The following TMEM67 variants were observed in gnomAD, a reference collection of about 807,000 sequenced individuals.
TMEM67 encodes the protein transmembrane protein 67.
In TMEM67, 124 loss-of-function variants were observed where a neutral mutation model predicts 136.6. The ratio of observed to expected loss-of-function variants is 0.91; its 90% confidence interval spans 0.78 to 1.05. The LOEUF is 1.05. Among genes scored for constraint, TMEM67 ranks in the 50% least tolerant of loss-of-function variants. The pLI, the probability that TMEM67 is intolerant of heterozygous loss-of-function variation, is 0.00. For missense variants in TMEM67, 1,107 were observed against 1,178.4 expected, an observed-to-expected ratio of 0.94 and a Z score of 0.89; for synonymous variants, 364 against 390.5, an observed-to-expected ratio of 0.93 and a Z score of 0.80.
intron 23 of TMEM67, 89 bp downstream of exon 23, chr8:93,804,967 C>G (rs1815072418): frequency 1.2e-6 from 1 of 851,276 alleles, no homozygotes; most frequent in African/African-American, 1.7e-5. Flanking sequence ...AAACAGTCTT[C>G]ATTGATAACT....
chr8:93,797,050 T>C, intron 18 of TMEM67, 84 bp from the exon 19 acceptor site: 1 of 805,456 alleles, frequency 1.2e-6, no homozygotes, highest in Non-Finnish European at 2.2e-6. Flanking sequence ...GATAACAGTA[T>C]GTTTCTTAAA....
At chr8:93,829,970 G>A in the TMEM67 span, among the ~76,000 whole-genome samples, 1 of 151,984 alleles carries the variant, frequency 6.6e-6, no homozygotes, top group Non-Finnish European at 1.5e-5. Flanking sequence ...GAGCTACCTT[G>A]TCTGATTGTA....
intron 6 of TMEM67, among the ~76,000 whole-genome samples, chr8:93,766,534 A>C (rs1438868847): frequency 6.6e-6 from 1 of 152,212 alleles, no homozygotes; most frequent in Non-Finnish European, 1.5e-5. Flanking sequence ...ATGAATTGGA[A>C]CTAAAGAGGT....
chr8:93,808,846 T>G lies in TMEM67; in HGVS notation c.2446T>G (p.Leu816Val). The G allele has an allele frequency of 6.2e-7, 1 of 1,604,852 alleles. No individual in the cohort carries two copies. The highest frequency in any genetic ancestry group is 8.5e-7 in the Non-Finnish European group (1 of 1,172,148). The change falls in exon 24 of 28, where the codon TTG becomes GTG. Residue 816 changes from leucine (L) to valine (V), a missense_variant. Coordinates refer to ENST00000453321, the MANE Select transcript of TMEM67 (RefSeq NM_153704.6). ...AAATTCTTTAACTTTTCAGGAAAAT[T>G]TGTGTAGCCAGAGAGGTTTGGTACC... is the stretch of plus-strand genomic sequence containing the variant. Reference protein sequence around the residue: ...NMNLKREAENLCSQRGLVPNT... With the variant: ...NMNLKREAENVCSQRGLVPNT...
chr8:93,759,393 G>A lies in TMEM67; in HGVS notation c.406+817G>A, dbSNP rs1012018501. On this transcript the variant is annotated intron_variant, in intron 3 of 27. Coordinates refer to ENST00000453321, the MANE Select transcript of TMEM67 (RefSeq NM_153704.6). ...TGGGAAGATCGCTTGAGCCTGGAAG[G>A]TCAAGGCTACAGTGAGCTGAGATGG... The A allele has an allele frequency of 4.0e-5, 6 of 150,144 alleles. No individual in the cohort carries two copies. In the East Asian group the frequency reaches 9.9e-4, roughly 25 times the overall value. 9.3% of individuals were successfully genotyped at this position (150,144 alleles called of 1,614,324 possible).
In TMEM67 at chr8:93,786,366, T is replaced by C; in HGVS notation, c.1412+20T>C. 6.2e-7 allele frequency: 1 copy of C among 1,612,088 alleles called. No homozygotes were observed. Among genetic ancestry groups the C allele is most frequent in the Non-Finnish European group, 8.5e-7 (1 of 1,178,604 alleles). On this transcript the variant is annotated intron_variant, in intron 13 of 27. Coordinates refer to ENST00000453321, the MANE Select transcript of TMEM67 (RefSeq NM_153704.6). The stretch of plus-strand genomic sequence containing the variant: ...ACTGAGGTAAACAAATGTCTAATGA[T>C]ATTATTTATGGGAAAATATCATAAT...
In TMEM67 at chr8:93,804,778, T is replaced by C. The variant is rs1440302004; in HGVS notation, c.2339T>C (p.Leu780Ser). 6.3e-7 allele frequency: 1 copy of C among 1,596,206 alleles called. No individual in the cohort carries two copies. Among genetic ancestry groups the C allele is most frequent in the Admixed American group, 1.7e-5 (1 of 59,930 alleles). Residue 780 changes from leucine to serine, a missense_variant, in exon 23 of 28, where the codon TTA (leucine) becomes TCA (serine). Physicochemically the swap from Leu to Ser is moderately radical, Grantham distance 145. Transcript: ENST00000453321. The stretch of plus-strand genomic sequence containing the variant: ...TTTTTATAGATATCAGTGTTTCTGT[T>C]ATCCCACAAATGTTTTGGATATTAC... ...CSMSNISVFL[L>S]SHKCFGYYIH...
intron 3 of TMEM67, among the ~76,000 whole-genome samples, 155 bp from the exon 4 acceptor site, chr8:93,763,687 A>G (rs1202343098): frequency 1.3e-5 from 2 of 152,156 alleles, no homozygotes; most frequent in African/African-American, 4.8e-5. Context: ...ACACTTTATT[A>G]TGGAGATACT....
At chr8:93,782,307 G>A in intron 10 of TMEM67, 88 bp from the exon 11 acceptor site, 2 of 909,108 alleles carry the variant, frequency 2.2e-6, no homozygotes, top group Non-Finnish European at 3.6e-6. Flanking sequence ...ATTATGTAGA[G>A]CATATATCCA....
In TMEM67 at chr8:93,799,550, G is replaced by C. The variant is rs1411461859; in HGVS notation, c.2101-68G>C. On this transcript the variant is annotated intron_variant, in intron 20 of 27. Transcript: ENST00000453321. ...CAAGGTGAGTAGGGAGAGGTTTTCT[G>C]TTTTCAGTCTAGAGTAGTTTTCTTT... 4.6e-6 allele frequency: 7 copies of C among 1,532,072 alleles called. No individual in the cohort carries two copies. The East Asian group carries it at 1.4e-4, about 30-fold the overall frequency. 94.9% of individuals were successfully genotyped at this position (1,532,072 alleles called of 1,614,324 possible). A position where few individuals can be genotyped will look rare whatever the true frequency, so the allele number is the denominator to read the frequency against.
At chr8:93,774,517 C>T (rs1429867936) in intron 7 of TMEM67, among the ~76,000 whole-genome samples, 5 of 152,106 alleles carry the variant, frequency 3.3e-5, no homozygotes, top group Non-Finnish European at 7.4e-5. Context: ...GCCCAGTCCC[C>T]CACCCAAAGA....
At chr8:93,759,986 A>G (rs1187572866) in intron 3 of TMEM67, 1 of 1,523,698 alleles carries the variant, frequency 6.6e-7, no homozygotes. Flanking sequence ...ACATAATTGA[A>G]GAAATTTGTG....
In TMEM67 at chr8:93,787,959, T is replaced by A; in HGVS notation, c.1518+10T>A. ...CAGCCAGTCTGTGAAGGTGAGTTCC[T>A]GACTTATTAGTGCCCTTGTATGTAT... is the stretch of plus-strand genomic sequence containing the variant. On this transcript the variant is annotated intron_variant, in intron 14 of 27. Transcript: ENST00000453321. 6.3e-7 allele frequency: 1 copy of A among 1,591,950 alleles called. No homozygotes were observed. Among genetic ancestry groups the A allele is most frequent in the South Asian group, 1.1e-5 (1 of 90,628 alleles).
At position 93,758,464 on chromosome 8, in the gene TMEM67, T is replaced by C. The variant is rs748779738; in HGVS notation, c.313-19T>C. 66 of 1,592,252 alleles carry C rather than the reference T, an allele frequency of 4.1e-5. No individual in the cohort carries two copies. Among genetic ancestry groups the C allele is most frequent in the Non-Finnish European group, 5.3e-5 (62 of 1,161,206 alleles). ...AGTTAATTAAAAAAGAGAAAAGCAT[T>C]TTTTTTCTTTTAATTTAGAAAGGTG... On this transcript the variant is annotated intron_variant, in intron 2 of 27. Coordinates refer to ENST00000453321, the MANE Select transcript of TMEM67 (RefSeq NM_153704.6).
intron 7 of TMEM67, 27 bp downstream of exon 7, chr8:93,772,678 T>G (rs994438673): frequency 3.8e-6 from 6 of 1,563,228 alleles, no homozygotes; most frequent in Non-Finnish European, 4.4e-6. Context: ...TAAATAAATT[T>G]CATTTTATTT....
chr8:93,797,237 A>G lies in TMEM67; in HGVS notation c.1960+4A>G. Reference sequence around the variant, plus strand: ...AAGGTTCTTAAAGCTGTTGAAGGTAACTGAAATAAAAAATATTTGTACCAA... The same window carrying G: ...AAGGTTCTTAAAGCTGTTGAAGGTAGCTGAAATAAAAAATATTTGTACCAA... On this transcript the variant is annotated splice_donor_region_variant and intron_variant, in intron 19 of 27. Transcript: ENST00000453321. 6.2e-7 allele frequency: 1 copy of G among 1,612,026 alleles called. No individual in the cohort carries two copies. Among genetic ancestry groups the G allele is most frequent in the East Asian group, 2.2e-5 (1 of 44,844 alleles).
intron 23 of TMEM67, among the ~76,000 whole-genome samples, chr8:93,805,256 T>C (rs1303602323): frequency 1.3e-5 from 2 of 151,470 alleles, no homozygotes; most frequent in Non-Finnish European, 2.9e-5. Context: ...CAGGCTTGAG[T>C]CACCGCGCAC....
At chr8:93,820,278 C>T (rs1293265893), downstream of TMEM67, among the ~76,000 whole-genome samples, 1 of 152,112 alleles carries the variant, frequency 6.6e-6, no homozygotes, top group Non-Finnish European at 1.5e-5. Flanking sequence ...CCTCACTCAT[C>T]ACTACATAAA....
intron 3 of TMEM67, among the ~76,000 whole-genome samples, chr8:93,760,359 A>G (rs59971262): frequency 0.018 from 2,790 of 152,314 alleles, 87 homozygotes; most frequent in African/African-American, 0.061. Context: ...CAATTCATAT[A>G]GGAATTTGGT....
Sources: gnomAD v4.1 joint callset for allele counts (sites outside exome capture counted in the v4.1 genomes callset) on GRCh38, gnomAD v4.1.1 for gene constraint, MANE v1.5 for transcripts, NCBI Gene and HGNC (gene_info 2026-07-23, HGNC 2026-07-21) for gene names.